Variants in CERS6 observed in about 807,000 individuals in gnomAD.
CERS6 encodes LAG1 homolog, ceramide synthase 6.
A neutral mutation model predicts 56.8 loss-of-function variants in CERS6; 26 were observed. The observed-to-expected ratio is 0.46, with a 90% CI of 0.34 to 0.63. The LOEUF (loss-of-function observed/expected upper bound fraction) is 0.63, where lower values mean the gene tolerates loss of function less well. Ranked by LOEUF, CERS6 falls within the 30% of genes least tolerant of loss-of-function variation. CERS6 has a pLI of 0.01. For synonymous variants in CERS6, 164 were observed against 173.3 expected, an observed-to-expected ratio of 0.95 and a Z score of 0.42; for missense variants, 415 against 467.5, an observed-to-expected ratio of 0.89 and a Z score of 1.04.
At chr2:168,616,708 C>T (rs373232520) in intron 3 of CERS6, among the ~76,000 whole-genome samples, 1 of 152,120 alleles carries the variant, frequency 6.6e-6, no homozygotes. Flanking sequence ...TATTTATGCA[C>T]CTTACACTGG....
In CERS6 at chr2:168,651,480, ACCT is replaced by A. The variant is rs1685338705; in HGVS notation, c.465+20439_465+20441del. 3.9e-5 allele frequency among the ~76,000 whole-genome samples: 6 copies of A among 152,356 alleles called. No homozygotes were observed. In the South Asian group the frequency reaches 1.2e-3, roughly 32 times the overall value. ...GTTTTCATACTTGCTGTAAAGAACT[ACCT>A]GAGACTGGGTGATTTATAAAGAAAA... is the stretch of plus-strand genomic sequence containing the variant. On this transcript the variant is annotated intron_variant, in intron 4 of 9. Coordinates refer to ENST00000305747, the MANE Select transcript of CERS6 (RefSeq NM_203463.3).
chr2:168,522,609 T>G (rs1021619259), intron 1 of CERS6, among the ~76,000 whole-genome samples: 10 of 152,158 alleles, frequency 6.6e-5, no homozygotes, highest in African/African-American at 2.4e-4. Context: ...CATGGCTCAC[T>G]GCAGCCTTGA....
chr2:168,746,613 C>T (rs938730344), intron 8 of CERS6, among the ~76,000 whole-genome samples: 4 of 151,456 alleles, frequency 2.6e-5, no homozygotes, highest in African/African-American at 9.7e-5. Context: ...GGAATGTTAA[C>T]ACCAAAACTA....
At chr2:168,679,712 A>G (rs1020255742) in intron 4 of CERS6, among the ~76,000 whole-genome samples, 2 of 152,214 alleles carry the variant, frequency 1.3e-5, no homozygotes, top group African/African-American at 4.8e-5. Flanking sequence ...AACGCTGTCA[A>G]TTCTCTTTAT....
chr2:168,743,343 A>G (rs10469698), intron 8 of CERS6, among the ~76,000 whole-genome samples: 4,453 of 152,146 alleles, frequency 0.029, 212 homozygotes, highest in African/African-American at 0.1. Context: ...CTTTATATAT[A>G]AGAGTTGTTT....
rs140673035 is a variant in CERS6, at chr2:168,722,012, C to T, written c.845+4034C>T. ...TTCTCTACTTCCTTGCCAACACTTACGATTTTTCATATTGTATTCATTTTA... is the reference window on the plus strand; with the variant it reads ...TTCTCTACTTCCTTGCCAACACTTATGATTTTTCATATTGTATTCATTTTA... On this transcript the variant is annotated intron_variant, in intron 8 of 9. Transcript: ENST00000305747. 1.4e-4 allele frequency among the ~76,000 whole-genome samples: 21 copies of T among 152,158 alleles called. No homozygotes were observed. The South Asian group carries it at 1.7e-3, about 12-fold the overall frequency.
At chr2:168,658,665 A>C (rs1685552520) in intron 4 of CERS6, among the ~76,000 whole-genome samples, 1 of 152,262 alleles carries the variant, frequency 6.6e-6, no homozygotes, top group African/African-American at 2.4e-5. Context: ...TTTGACTGGC[A>C]ATATGCTAAA....
At chr2:168,688,693 A>G (rs1289802476) in intron 4 of CERS6, among the ~76,000 whole-genome samples, 1 of 152,190 alleles carries the variant, frequency 6.6e-6, no homozygotes, top group Non-Finnish European at 1.5e-5. Flanking sequence ...GTATGAAAGA[A>G]TATATTCCTA....
chr2:168,481,965 A>G (rs921420022), intron 1 of CERS6, among the ~76,000 whole-genome samples: 1 of 152,234 alleles, frequency 6.6e-6, no homozygotes, highest in Non-Finnish European at 1.5e-5. Context: ...TTCAGAGGAA[A>G]TCTTTAAAAA....
chr2:168,633,324 A>G (rs1397693017), intron 4 of CERS6, among the ~76,000 whole-genome samples: 1 of 152,218 alleles, frequency 6.6e-6, no homozygotes, highest in Non-Finnish European at 1.5e-5. Context: ...TGCGAAGTAG[A>G]AATGCATACA....
chr2:168,568,078 C>G (rs1695915715), intron 3 of CERS6, among the ~76,000 whole-genome samples: 1 of 152,130 alleles, frequency 6.6e-6, no homozygotes, highest in Admixed American at 6.5e-5. Flanking sequence ...GGCTAGGCCT[C>G]TAATGCATGT....
chr2:168,588,405 A>C (rs145470733), intron 3 of CERS6, among the ~76,000 whole-genome samples: 6 of 151,356 alleles, frequency 4.0e-5, no homozygotes, highest in Non-Finnish European at 8.8e-5. Context: ...TTAAACACTT[A>C]ATTTCCCATT....
chr2:168,596,338 G>C (rs2105406957), intron 3 of CERS6, among the ~76,000 whole-genome samples: 1 of 151,770 alleles, frequency 6.6e-6, no homozygotes, highest in East Asian at 1.9e-4. Context: ...GTGGGCGGGG[G>C]ATTGGGGGGA....
At chr2:168,498,920 C>A (rs545687837) in intron 1 of CERS6, among the ~76,000 whole-genome samples, 30 of 152,110 alleles carry the variant, frequency 2.0e-4, no homozygotes, top group Non-Finnish European at 3.7e-4. Context: ...ACTTCCCCCC[C>A]ACATCTCGTT....
In CERS6 at chr2:168,765,588, T is replaced by A. The variant is rs1684708974; in HGVS notation, c.846-4T>A. On this transcript the variant is annotated splice_polypyrimidine_tract_variant and splice_region_variant and intron_variant, in intron 8 of 9. Transcript: ENST00000305747. ...TTCACTAATCACCTCCTTCTTTTCC[T>A]TAGGGTGTTAAATACCACATTATTT... is the stretch of plus-strand genomic sequence containing the variant. 1.2e-6 allele frequency: 2 copies of A among 1,612,224 alleles called. No individual in the cohort carries two copies. Among genetic ancestry groups the A allele is most frequent in the East Asian group, 4.5e-5 (2 of 44,852 alleles).
At chr2:168,713,864 A>T (rs1225725862) in intron 6 of CERS6, among the ~76,000 whole-genome samples, 1 of 152,198 alleles carries the variant, frequency 6.6e-6, no homozygotes, top group Admixed American at 6.5e-5. Flanking sequence ...CAACAGGCGT[A>T]TTCTGGGAGA....
At chr2:168,602,669 C>A (rs1418523357) in intron 3 of CERS6, among the ~76,000 whole-genome samples, 3 of 152,276 alleles carry the variant, frequency 2.0e-5, no homozygotes, top group East Asian at 3.9e-4. Context: ...AACTTGAATT[C>A]ATTAACCTCA....
chr2:168,684,437 A>G (rs1044207435), intron 4 of CERS6, among the ~76,000 whole-genome samples: 25 of 152,210 alleles, frequency 1.6e-4, no homozygotes, highest in Admixed American at 1.4e-3. Flanking sequence ...ATCTTTGTAA[A>G]GTCACAAAAT....
At chr2:168,591,595 TG>T (rs751547182) in intron 3 of CERS6, among the ~76,000 whole-genome samples, 2 of 152,214 alleles carry the variant, frequency 1.3e-5, no homozygotes, top group South Asian at 2.1e-4. Context: ...GAAGAAAATG[TG>T]TTGTTTTTCA....
Sources: gnomAD v4.1 joint callset for allele counts (sites outside exome capture counted in the v4.1 genomes callset) on GRCh38, gnomAD v4.1.1 for gene constraint, MANE v1.5 for transcripts, NCBI Gene and HGNC (gene_info 2026-07-23, HGNC 2026-07-21) for gene names.